Variants in ROBO1 observed in about 807,000 individuals in gnomAD.
ROBO1 encodes the protein roundabout guidance receptor 1.
Under a neutral mutation model 195.9 loss-of-function variants are expected in ROBO1, and 149 were observed. The ratio of observed to expected loss-of-function variants is 0.76; its 90% CI spans 0.67 to 0.87. ROBO1 has a LOEUF of 0.87. Ranked by LOEUF, ROBO1 falls within the 40% of genes least tolerant of loss-of-function variation. The pLI, the probability that ROBO1 is intolerant of heterozygous loss-of-function variation, is 0.00. For synonymous variants in ROBO1, 816 were observed against 733.2 expected (o/e 1.11, Z -1.82); for missense variants, 1,933 against 2,068.3 (o/e 0.93, Z 1.27).
chr3:78,903,583 TGC>T (rs1485413496), intron 4 of ROBO1, among the ~76,000 whole-genome samples: 1 of 150,146 alleles, frequency 6.7e-6, no homozygotes, highest in Non-Finnish European at 1.5e-5. Context: ...ACACACACCT[TGC>T]TGCTCTCCTG....
At chr3:78,774,619 ATCT>A (rs2083460393) in intron 4 of ROBO1, among the ~76,000 whole-genome samples, 1 of 56,954 alleles carries the variant, frequency 1.8e-5, no homozygotes, top group Non-Finnish European at 4.1e-5. Context: ...AAAAAAAAAA[ATCT>A]ACCACTTGAA....
chr3:78,871,801 ACC>A (rs2035567605), intron 4 of ROBO1, among the ~76,000 whole-genome samples: 1 of 151,828 alleles, frequency 6.6e-6, no homozygotes, highest in South Asian at 2.1e-4. Flanking sequence ...TAAAAAAGTA[ACC>A]AACTAATGAA....
chr3:78,985,544 G>A (rs777537646), intron 3 of ROBO1, among the ~76,000 whole-genome samples: 6 of 152,066 alleles, frequency 3.9e-5, no homozygotes, highest in Non-Finnish European at 7.4e-5. Context: ...AATTTTATTT[G>A]GTAGCAGGGT....
intron 2 of ROBO1, among the ~76,000 whole-genome samples, chr3:79,316,923 AT>A (rs750883273): frequency 3.9e-5 from 6 of 152,172 alleles, no homozygotes; most frequent in Non-Finnish European, 7.4e-5. Context: ...TCACTTCAGA[AT>A]ATGAAAGAAC....
Position 79,134,791 on chromosome 3 carries a change from A to G in ROBO1, c.89-9252T>C, listed in dbSNP as rs1368903702. 8.7e-5 allele frequency among the ~76,000 whole-genome samples: 8 copies of G among 91,914 alleles called. No homozygotes were observed. In the South Asian group the frequency reaches 2.5e-3, roughly 28 times the overall value. 60.3% of individuals were successfully genotyped at this position (91,914 alleles called of 152,430 possible). ...TTCTCAGTAAACTATCGCAAGAACA[A>G]AAAACCAAACACCGCATATTCTCAC... On this transcript the variant is annotated intron_variant, in intron 2 of 30. Coordinates refer to ENST00000464233, the MANE Select transcript of ROBO1 (RefSeq NM_002941.4).
chr3:78,773,051 A>C (rs560864010), intron 4 of ROBO1, among the ~76,000 whole-genome samples: 8 of 152,116 alleles, frequency 5.3e-5, no homozygotes, highest in Non-Finnish European at 8.8e-5. Flanking sequence ...CTTAACACTT[A>C]CTCACTGACT....
At chr3:79,372,884 T>C (rs1046302414) in intron 2 of ROBO1, among the ~76,000 whole-genome samples, 2 of 151,232 alleles carry the variant, frequency 1.3e-5, no homozygotes, top group African/African-American at 4.9e-5. Flanking sequence ...TTGTAAAAAC[T>C]AGTATTTTTT....
chr3:78,996,767 A>G (rs2077377799), intron 3 of ROBO1, among the ~76,000 whole-genome samples: 1 of 152,140 alleles, frequency 6.6e-6, no homozygotes, highest in East Asian at 1.9e-4. Flanking sequence ...GCCATTTGTT[A>G]AACATCTAAA....
intron 2 of ROBO1, among the ~76,000 whole-genome samples, chr3:79,517,789 G>A (rs1462591232): frequency 1.3e-5 from 2 of 152,142 alleles, no homozygotes; most frequent in Non-Finnish European, 2.9e-5. Context: ...AATAGTTGTA[G>A]ACATTTTATT....
chr3:79,424,661 A>G (rs1447394046), intron 2 of ROBO1, among the ~76,000 whole-genome samples: 5 of 152,126 alleles, frequency 3.3e-5, no homozygotes, highest in Non-Finnish European at 1.5e-5. Context: ...CATCCCAAAT[A>G]TGGTGCTCCC....
At chr3:78,849,831 T>TACACATACACACACAC (rs1553747415) in intron 4 of ROBO1, among the ~76,000 whole-genome samples, 51 of 79,614 alleles carry the variant, frequency 6.4e-4, no homozygotes, top group African/African-American at 1.5e-3. Context: ...TCTCTCCCAT[T>TACACATACACACACAC]ACACACACAC....
At chr3:78,965,022 C>T (rs1384567806) in intron 3 of ROBO1, among the ~76,000 whole-genome samples, 1 of 151,680 alleles carries the variant, frequency 6.6e-6, no homozygotes, top group African/African-American at 2.4e-5. Flanking sequence ...CTTTTTTATA[C>T]ATTATATATG....
chr3:78,803,454 AT>A (rs1326366997), intron 4 of ROBO1, among the ~76,000 whole-genome samples: 2 of 152,124 alleles, frequency 1.3e-5, no homozygotes, highest in African/African-American at 2.4e-5. Context: ...AATATGATAG[AT>A]TTTTTTAAAA....
chr3:79,209,795 G>A (rs2108799187), intron 2 of ROBO1, among the ~76,000 whole-genome samples: 1 of 152,148 alleles, frequency 6.6e-6, no homozygotes, highest in East Asian at 1.9e-4. Flanking sequence ...AAACACTAAA[G>A]ACTCATCCGA....
intron 2 of ROBO1, among the ~76,000 whole-genome samples, chr3:79,286,519 A>C (rs2031898036): frequency 6.6e-6 from 1 of 152,286 alleles, no homozygotes; most frequent in African/African-American, 2.4e-5. Flanking sequence ...ACAACAAAGG[A>C]TGACTGGAAG....
At chr3:78,976,419 T>C (rs4680919) in intron 3 of ROBO1, among the ~76,000 whole-genome samples, 22,688 of 152,170 alleles carry the variant, frequency 0.15, 2,256 homozygotes, top group East Asian at 0.42. Flanking sequence ...CGGTGAGTCT[T>C]TGCGCTTATC....
chr3:79,674,827 C>CGTGTGTGT (rs151094387), intron 1 of ROBO1, among the ~76,000 whole-genome samples: 4 of 61,920 alleles, frequency 6.5e-5, no homozygotes, highest in East Asian at 3.4e-4. Flanking sequence ...TATTTATATC[C>CGTGTGTGT]GTGTGTGTGT....
intron 2 of ROBO1, among the ~76,000 whole-genome samples, chr3:79,279,535 C>T (rs548254168): frequency 2.6e-5 from 4 of 152,086 alleles, no homozygotes; most frequent in Non-Finnish European, 5.9e-5. Flanking sequence ...TAAACTAATA[C>T]AGCTACTATA....
At chr3:79,366,095 T>C (rs1577027026) in intron 2 of ROBO1, among the ~76,000 whole-genome samples, 1 of 152,032 alleles carries the variant, frequency 6.6e-6, no homozygotes, top group East Asian at 1.9e-4. Flanking sequence ...AGTTCTTTAC[T>C]AGTCTTAGTA....
Sources: allele counts gnomAD v4.1 joint callset (sites outside exome capture counted in the v4.1 genomes callset), GRCh38; gene constraint gnomAD v4.1.1; transcripts MANE v1.5; gene names NCBI Gene and HGNC (gene_info 2026-07-23, HGNC 2026-07-21).